ADAMTS18: variants seen among roughly 807,000 people sequenced by gnomAD.
The protein encoded by ADAMTS18 is ADAM metallopeptidase with thrombospondin type 1 motif 18.
Under a neutral mutation model 165.9 loss-of-function variants are expected in ADAMTS18, and 157 were observed. The observed-to-expected ratio is 0.95, with a 90% CI of 0.83 to 1.08. ADAMTS18 has a LOEUF of 1.08. Among genes scored for constraint, ADAMTS18 ranks in the 50% least tolerant of loss-of-function variants. The probability of loss-of-function intolerance (pLI) is 0.00; values close to 1 mark genes in which losing one functional copy is unlikely to be tolerated. For missense variants in ADAMTS18, 2,040 were observed against 1,534.0 expected (o/e 1.33, Z -5.51); for synonymous variants, 782 against 578.2 (o/e 1.35, Z -5.06).
chr16:77,327,069 G>C (rs2056107538), intron 12 of ADAMTS18, among the ~76,000 whole-genome samples: 5 of 152,216 alleles, frequency 3.3e-5, no homozygotes, highest in Admixed American at 2.6e-4. Context: ...TGGTGCATAT[G>C]TACCACATTT....
intron 10 of ADAMTS18, among the ~76,000 whole-genome samples, chr16:77,345,422 A>G (rs1006716661): frequency 6.6e-6 from 1 of 152,206 alleles, no homozygotes; most frequent in African/African-American, 2.4e-5. Flanking sequence ...CCACCAGATC[A>G]TGAAATCATA....
At chr16:77,344,020 T>C (rs2056437922) in intron 10 of ADAMTS18, among the ~76,000 whole-genome samples, 1 of 150,678 alleles carries the variant, frequency 6.6e-6, no homozygotes, top group Admixed American at 6.6e-5. Flanking sequence ...AGTTAGAAAA[T>C]ATGGCAAGAA....
At chr16:77,385,430 T>C (rs943210233) in intron 3 of ADAMTS18, among the ~76,000 whole-genome samples, 1 of 152,184 alleles carries the variant, frequency 6.6e-6, no homozygotes. Context: ...AAATAGCATC[T>C]ACCACATTTG....
chr16:77,378,350 CAAAAAAAAA>C lies in ADAMTS18; in HGVS notation c.496-10636_496-10628del, dbSNP rs142010133. ...AAACAAAAACAAAAACAAAAAAAAA[CAAAAAAAAA>C]AAAAACCAAGCCCTTTACTTAGATG... is the stretch of plus-strand genomic sequence containing the variant. On this transcript the variant is annotated intron_variant, in intron 3 of 22. Transcript: ENST00000282849. Among the ~76,000 whole-genome samples the C allele has an allele frequency of 2.3e-4, 24 of 105,568 alleles. 2 individuals are homozygous for C. Among genetic ancestry groups the C allele is most frequent in the Admixed American group, 2.2e-3 (19 of 8,470 alleles). The allele number at this position is 105,568 out of a possible 152,430, so 69.3% of individuals were successfully genotyped here.
At chr16:77,373,500 A>T (rs2056906555) in intron 3 of ADAMTS18, among the ~76,000 whole-genome samples, 1 of 152,008 alleles carries the variant, frequency 6.6e-6, no homozygotes, top group African/African-American at 2.4e-5. Flanking sequence ...AAAAGAAAAA[A>T]AAGTTATCCT....
intron 2 of ADAMTS18, among the ~76,000 whole-genome samples, chr16:77,433,801 G>A (rs2057765855): frequency 6.6e-6 from 1 of 152,144 alleles, no homozygotes; most frequent in African/African-American, 2.4e-5. Flanking sequence ...GGCTCCACTG[G>A]GAAGTTAATA....
At chr16:77,403,543 A>G (rs918935853) in intron 3 of ADAMTS18, among the ~76,000 whole-genome samples, 1 of 152,176 alleles carries the variant, frequency 6.6e-6, no homozygotes, top group African/African-American at 2.4e-5. Flanking sequence ...AATGTAGTTA[A>G]AAGTCAATAG....
intron 3 of ADAMTS18, among the ~76,000 whole-genome samples, chr16:77,393,596 T>G (rs913544081): frequency 1.3e-5 from 2 of 152,168 alleles, no homozygotes; most frequent in African/African-American, 4.8e-5. Context: ...AGAGCTGCCT[T>G]GCTTCTTCCA....
At chr16:77,327,408 A>G (rs1033819432) in intron 12 of ADAMTS18, among the ~76,000 whole-genome samples, 1 of 152,086 alleles carries the variant, frequency 6.6e-6, no homozygotes, top group Non-Finnish European at 1.5e-5. Context: ...CTTAGCTCCC[A>G]CATATGAATG....
chr16:77,287,028 G>A (rs746951671), intron 22 of ADAMTS18, among the ~76,000 whole-genome samples: 3 of 152,120 alleles, frequency 2.0e-5, no homozygotes, highest in Non-Finnish European at 4.4e-5. Context: ...GGACAACAAA[G>A]CTGTTTGGTG....
chr16:77,285,489 A>C, intron 22 of ADAMTS18, among the ~76,000 whole-genome samples: 1 of 152,170 alleles, frequency 6.6e-6, no homozygotes. Context: ...TGTATTTTTA[A>C]GGCACAGTTT....
At chr16:77,314,061 T>C (rs890904360) in intron 16 of ADAMTS18, among the ~76,000 whole-genome samples, 4 of 152,150 alleles carry the variant, frequency 2.6e-5, no homozygotes, top group Non-Finnish European at 5.9e-5. Context: ...CAAATAAAAA[T>C]GCTGAGGGGG....
chr16:77,340,476 G>A (rs2056381785), intron 11 of ADAMTS18, among the ~76,000 whole-genome samples: 1 of 151,928 alleles, frequency 6.6e-6, no homozygotes, highest in Non-Finnish European at 1.5e-5. Context: ...TGCCCCGCCT[G>A]GACTGTAAAT....
chr16:77,327,842 G>A (rs968501897), intron 12 of ADAMTS18, among the ~76,000 whole-genome samples: 8 of 152,094 alleles, frequency 5.3e-5, no homozygotes, highest in African/African-American at 1.9e-4. Context: ...ACTTTGCCAT[G>A]CACCTATTAC....
At position 77,433,141 on chromosome 16, in the gene ADAMTS18, T is replaced by G. The variant is rs556771576; in HGVS notation, c.178+1277A>C. Among the ~76,000 whole-genome samples, 24 of 152,370 alleles carry G rather than the reference T, an allele frequency of 1.6e-4. No homozygotes were observed. In the East Asian group the frequency reaches 4.1e-3, roughly 26 times the overall value. ...TTTAAAGGGATGTGGCTCTTGATTATGTGCAATTTCTTAGAGAAAGTCTAC... is the reference window on the plus strand; with the variant it reads ...TTTAAAGGGATGTGGCTCTTGATTAGGTGCAATTTCTTAGAGAAAGTCTAC... On this transcript the variant is annotated intron_variant, in intron 2 of 22. Coordinates refer to ENST00000282849, the MANE Select transcript of ADAMTS18 (RefSeq NM_199355.4).
intron 12 of ADAMTS18, among the ~76,000 whole-genome samples, chr16:77,328,222 G>A (rs563348573): frequency 6.6e-6 from 1 of 152,208 alleles, no homozygotes; most frequent in Non-Finnish European, 1.5e-5. Flanking sequence ...TGAAAATTAC[G>A]CATAACATCG....
chr16:77,371,325 T>C (rs2056873227), intron 3 of ADAMTS18, among the ~76,000 whole-genome samples: 1 of 151,982 alleles, frequency 6.6e-6, no homozygotes, highest in African/African-American at 2.4e-5. Flanking sequence ...GAAGAGCAAA[T>C]GCAATCTTGA....
chr16:77,400,454 G>C (rs749783716), intron 3 of ADAMTS18, among the ~76,000 whole-genome samples: 103 of 67,808 alleles, frequency 1.5e-3, no homozygotes, highest in South Asian at 3.6e-3. Flanking sequence ...GTGTGTGTGT[G>C]TCTGTGTGTG....
Position 77,434,899 on chromosome 16 carries a change from G to A in ADAMTS18, c.-204C>T. 2.4e-6 allele frequency: 1 copy of A among 415,374 alleles called. No homozygotes were observed. Among genetic ancestry groups the A allele is most frequent in the Non-Finnish European group, 4.1e-6 (1 of 242,862 alleles). 25.7% of individuals were successfully genotyped at this position (415,374 alleles called of 1,614,324 possible). A position where few individuals can be genotyped will look rare whatever the true frequency, so the allele number is the denominator to read the frequency against. ...CGCGCCCTCCCTTCTCCCGGCGCGGGCCTGCCGAGCTGCAGTTTGCGGCAC... is the reference window on the plus strand; with the variant it reads ...CGCGCCCTCCCTTCTCCCGGCGCGGACCTGCCGAGCTGCAGTTTGCGGCAC... On this transcript the variant is annotated 5_prime_UTR_variant, in exon 1 of 23. Coordinates refer to ENST00000282849, the MANE Select transcript of ADAMTS18 (RefSeq NM_199355.4).
Sources: gnomAD v4.1 joint callset for allele counts (sites outside exome capture counted in the v4.1 genomes callset) on GRCh38, gnomAD v4.1.1 for gene constraint, MANE v1.5 for transcripts, NCBI Gene and HGNC (gene_info 2026-07-23, HGNC 2026-07-21) for gene names.